ZRANB3: variants seen among roughly 807,000 people sequenced by gnomAD.
ZRANB3 encodes the protein DNA annealing helicase and endonuclease ZRANB3.
ZRANB3 carries 125 observed loss-of-function variants against 133.8 expected under a neutral mutation model. The ratio of observed to expected loss-of-function variants is 0.93; its 90% CI spans 0.81 to 1.08. The LOEUF is 1.08. Ranked by LOEUF, ZRANB3 falls within the 50% of genes least tolerant of loss-of-function variation. The pLI, the probability that ZRANB3 is intolerant of heterozygous loss-of-function variation, is 0.00. For missense variants in ZRANB3, 1,229 were observed against 1,275.5 expected, an observed-to-expected ratio of 0.96 and a Z score of 0.56; for synonymous variants, 387 against 432.7, an observed-to-expected ratio of 0.89 and a Z score of 1.31.
intron 2 of ZRANB3, among the ~76,000 whole-genome samples, chr2:135,479,701 T>C (rs1170520759): frequency 6.6e-6 from 1 of 151,738 alleles, no homozygotes; most frequent in Non-Finnish European, 1.5e-5. Flanking sequence ...GATACACGCA[T>C]ACATAACACT....
intron 6 of ZRANB3, among the ~76,000 whole-genome samples, chr2:135,342,064 C>T (rs1350113397): frequency 1.3e-5 from 2 of 149,884 alleles, no homozygotes; most frequent in Non-Finnish European, 2.9e-5. Flanking sequence ...TCGTACACTC[C>T]CTACCTTTTG....
intron 2 of ZRANB3, among the ~76,000 whole-genome samples, chr2:135,444,708 C>T (rs537269933): frequency 3.3e-5 from 5 of 152,040 alleles, no homozygotes; most frequent in South Asian, 2.1e-4. Context: ...TTTGGTAAAA[C>T]GGAAATTCTA....
intron 2 of ZRANB3, among the ~76,000 whole-genome samples, chr2:135,458,235 C>T (rs887216571): frequency 1.3e-5 from 2 of 152,034 alleles, no homozygotes; most frequent in Non-Finnish European, 2.9e-5. Flanking sequence ...TTCCACTGAT[C>T]GTGTGTATGT....
At chr2:135,407,316 TAAAAA>T (rs960713853) in intron 2 of ZRANB3, among the ~76,000 whole-genome samples, 1 of 151,808 alleles carries the variant, frequency 6.6e-6, no homozygotes, top group Non-Finnish European at 1.5e-5. Flanking sequence ...CTCAATGAAA[TAAAAA>T]AGGATACAAA....
chr2:135,437,961 A>T (rs1051605695), intron 2 of ZRANB3, among the ~76,000 whole-genome samples: 1 of 152,128 alleles, frequency 6.6e-6, no homozygotes, highest in Non-Finnish European at 1.5e-5. Flanking sequence ...ATAGAAAAAA[A>T]GGTAGAGGAA....
At chr2:135,283,847 T>C (rs1427239450) in intron 8 of ZRANB3, among the ~76,000 whole-genome samples, 2 of 152,074 alleles carry the variant, frequency 1.3e-5, no homozygotes, top group Admixed American at 6.5e-5. Context: ...CCAGGCATGA[T>C]GGCTCATGCC....
intron 2 of ZRANB3, 90 bp from the exon 3 acceptor site, chr2:135,390,910 G>A: frequency 7.5e-7 from 1 of 1,337,232 alleles, no homozygotes; most frequent in Non-Finnish European, 9.9e-7. Flanking sequence ...CACCAGGCTG[G>A]AGTGCAGTGG....
chr2:135,253,210 C>T (rs987710165), intron 12 of ZRANB3, among the ~76,000 whole-genome samples: 14 of 152,194 alleles, frequency 9.2e-5, no homozygotes, highest in South Asian at 4.1e-4. Context: ...ACAGATCTAG[C>T]GGCAGAGGTG....
intron 3 of ZRANB3, among the ~76,000 whole-genome samples, chr2:135,374,217 G>A (rs910425930): frequency 6.6e-6 from 1 of 152,092 alleles, no homozygotes; most frequent in African/African-American, 2.4e-5. Context: ...GACCACACTA[G>A]CGAACATGCG....
Position 135,200,340 on chromosome 2 carries a change from C to T in ZRANB3, c.*2G>A. ...TGTCATTCATTCATATATTTTTCTACTTTACTTCTTTACCAAAAATCGTGT... is the reference window on the plus strand; with the variant it reads ...TGTCATTCATTCATATATTTTTCTATTTTACTTCTTTACCAAAAATCGTGT... On this transcript the variant is annotated 3_prime_UTR_variant, in exon 21 of 21. Coordinates refer to ENST00000264159, the MANE Select transcript of ZRANB3 (RefSeq NM_032143.4). The T allele has an allele frequency of 1.9e-6, 3 of 1,583,810 alleles. No individual in the cohort carries two copies. The highest frequency in any genetic ancestry group is 2.6e-6 in the Non-Finnish European group (3 of 1,163,020).
chr2:135,511,611 CA>C (rs1693455974), intron 1 of ZRANB3: 2 of 801,078 alleles, frequency 2.5e-6, no homozygotes, highest in Middle Eastern at 5.5e-4. Context: ...CAAGTACGAA[CA>C]TCTGCATGAA....
chr2:135,243,315 A>G lies in ZRANB3; in HGVS notation c.1540-12388T>C, dbSNP rs1222739908. Among the ~76,000 whole-genome samples, 3 of 152,152 alleles carry G rather than the reference A, an allele frequency of 2.0e-5. No homozygotes were observed. The East Asian group carries it at 5.8e-4, about 29-fold the overall frequency. On this transcript the variant is annotated intron_variant, in intron 12 of 20. Coordinates refer to ENST00000264159, the MANE Select transcript of ZRANB3 (RefSeq NM_032143.4). ...TGGATCATGAGGTCAGGATTTCAAG[A>G]TCAGTCTGGCCAAGATGGTGAAACC...
chr2:135,393,171 A>G (rs867295926), intron 2 of ZRANB3, among the ~76,000 whole-genome samples: 21 of 152,182 alleles, frequency 1.4e-4, no homozygotes, highest in African/African-American at 4.6e-4. Context: ...CCTGGCCCCA[A>G]TAAATATCTT....
chr2:135,204,199 T>C (rs1693753472), intron 19 of ZRANB3, among the ~76,000 whole-genome samples: 1 of 152,208 alleles, frequency 6.6e-6, no homozygotes, highest in Non-Finnish European at 1.5e-5. Flanking sequence ...ACTGCCTGCC[T>C]TACCTTCTCT....
At chr2:135,221,270 T>G (rs542700234) in intron 15 of ZRANB3, among the ~76,000 whole-genome samples, 2 of 152,264 alleles carry the variant, frequency 1.3e-5, no homozygotes, top group African/African-American at 4.8e-5. Flanking sequence ...GAAAATTATT[T>G]GGGTGATAAC....
intron 2 of ZRANB3, among the ~76,000 whole-genome samples, chr2:135,492,145 A>G (rs1013253940): frequency 3.3e-5 from 5 of 152,198 alleles, no homozygotes; most frequent in Admixed American, 2.6e-4. Flanking sequence ...ATATAATAAC[A>G]TATTTTTAGG....
intron 3 of ZRANB3, among the ~76,000 whole-genome samples, chr2:135,381,221 A>G (rs1193629864): frequency 1.3e-5 from 2 of 152,186 alleles, no homozygotes; most frequent in African/African-American, 4.8e-5. Flanking sequence ...CCTGGCTCGC[A>G]GGGTCCTACG....
chr2:135,510,471 CCAAAGGCTGGT>C, intron 1 of ZRANB3: 1 of 524,548 alleles, frequency 1.9e-6, no homozygotes, highest in Non-Finnish European at 3.5e-6. Flanking sequence ...CTCCAAGATA[CCAAAGGCTGGT>C]CAAAGAAATT....
chr2:135,311,441 C>T (rs1202064667), intron 8 of ZRANB3, among the ~76,000 whole-genome samples: 4 of 152,074 alleles, frequency 2.6e-5, no homozygotes, highest in Admixed American at 6.6e-5. Flanking sequence ...TATGACTCAC[C>T]AGTTCTATTT....
Sources: gnomAD v4.1 joint callset for allele counts (sites outside exome capture counted in the v4.1 genomes callset) on GRCh38, gnomAD v4.1.1 for gene constraint, MANE v1.5 for transcripts, NCBI Gene and HGNC (gene_info 2026-07-23, HGNC 2026-07-21) for gene names.